The following ZNF827 variants were observed in gnomAD, a reference collection of about 807,000 sequenced individuals.
ZNF827 encodes zinc finger protein 827.
ZNF827 carries 13 observed loss-of-function variants against 102.4 expected under a neutral mutation model. That is an observed-to-expected ratio of 0.13 (90% CI 0.08 to 0.20). The LOEUF is 0.20. ZNF827 is among the 10% of genes least tolerant of loss of function. The probability of loss-of-function intolerance (pLI) is 1.00; values close to 1 mark genes in which losing one functional copy is unlikely to be tolerated. For missense variants in ZNF827, 1,103 were observed against 1,344.4 expected (o/e 0.82, Z 2.81); for synonymous variants, 523 against 536.2 (o/e 0.98, Z 0.34).
intron 1 of ZNF827, chr4:145,907,162 T>A: frequency 4.4e-6 from 2 of 456,444 alleles, no homozygotes; most frequent in Non-Finnish European, 8.8e-6. Flanking sequence ...CAAACAAATA[T>A]GTCTGTGTTC....
intron 2 of ZNF827, among the ~76,000 whole-genome samples, chr4:145,896,257 A>G (rs1037810792): frequency 3.3e-5 from 5 of 152,218 alleles, no homozygotes; most frequent in Non-Finnish European, 7.3e-5. Context: ...AACATCACAT[A>G]ATAAATACAC....
chr4:145,761,739 CCT>C lies in ZNF827; in HGVS notation c.*18-143_*18-142del. 2.2e-6 allele frequency: 1 copy of C among 459,730 alleles called. No homozygotes were observed. The highest frequency in any genetic ancestry group is 3.6e-6 in the Non-Finnish European group (1 of 275,002). The allele number at this position is 459,730 out of a possible 1,614,324, so 28.5% of individuals were successfully genotyped here. On this transcript the variant is annotated intron_variant, in intron 14 of 14. Coordinates refer to ENST00000508784, the MANE Select transcript of ZNF827 (RefSeq NM_001306215.2). The surrounding 1 kb of genome is among the most constrained non-coding windows in gnomAD (Gnocchi z 6.8). ...TGCCCAGCCCAGCCCAGCCCTGCCG[CCT>C]CTCAGGGGTGGAACGGCCCTTTTTG...
At chr4:145,818,366 A>C (rs1196028951) in intron 8 of ZNF827, among the ~76,000 whole-genome samples, 2 of 152,238 alleles carry the variant, frequency 1.3e-5, no homozygotes, top group Non-Finnish European at 2.9e-5. Flanking sequence ...TCCAGGTAGT[A>C]ATTTGTAAAT....
At chr4:145,893,961 G>A (rs548497100) in intron 2 of ZNF827, among the ~76,000 whole-genome samples, 11 of 151,998 alleles carry the variant, frequency 7.2e-5, no homozygotes, top group East Asian at 1.9e-4. Flanking sequence ...AAAAAGCAAG[G>A]TGTGAAGCTT....
chr4:145,820,915 A>G (rs1180436754), intron 8 of ZNF827, among the ~76,000 whole-genome samples: 1 of 152,232 alleles, frequency 6.6e-6, no homozygotes, highest in Non-Finnish European at 1.5e-5. Context: ...CAGAACTTTA[A>G]GATCCTCAAC....
intron 1 of ZNF827, among the ~76,000 whole-genome samples, chr4:145,932,072 GAC>G (rs1753848459): frequency 6.6e-6 from 1 of 152,148 alleles, no homozygotes; most frequent in African/African-American, 2.4e-5. Flanking sequence ...ACTATATAAA[GAC>G]ACAGCAAAAA....
chr4:145,781,069 G>A (rs1040798296), intron 8 of ZNF827, among the ~76,000 whole-genome samples: 9 of 151,666 alleles, frequency 5.9e-5, no homozygotes, highest in East Asian at 1.9e-4. Flanking sequence ...GGTGGCGGGC[G>A]CCTGAAATCC....
intron 5 of ZNF827, among the ~76,000 whole-genome samples, chr4:145,861,032 T>A (rs998249212): frequency 1.3e-5 from 2 of 152,210 alleles, no homozygotes; most frequent in African/African-American, 4.8e-5. Flanking sequence ...CCTTGCCCAG[T>A]GGGTGACCCG....
At chr4:145,872,896 A>G (rs1211261998) in intron 4 of ZNF827, among the ~76,000 whole-genome samples, 1 of 151,692 alleles carries the variant, frequency 6.6e-6, no homozygotes, top group African/African-American at 2.4e-5. Context: ...AACAAAAACA[A>G]AAACAAAACA....
chr4:145,878,605 G>GAAAGT (rs1749373947), intron 4 of ZNF827, among the ~76,000 whole-genome samples: 97 of 81,386 alleles, frequency 1.2e-3, no homozygotes, highest in African/African-American at 4.5e-3. Flanking sequence ...GACAGGACAG[G>GAAAGT]AAAGGAAAGG....
chr4:145,909,778 C>T (rs1378523672), intron 1 of ZNF827, among the ~76,000 whole-genome samples: 1 of 152,206 alleles, frequency 6.6e-6, no homozygotes, highest in Non-Finnish European at 1.5e-5. Flanking sequence ...GTTTTACTTG[C>T]CAAGTTTTAA....
chr4:145,775,844 C>T lies in ZNF827; in HGVS notation c.2638G>A (p.Val880Ile). Residue 880 changes from valine (V) to isoleucine (I), a missense_variant, in exon 10 of 15, where the codon GTC becomes ATC. Transcript: ENST00000508784. ...CTGCCTTCAGAGGTGACGGCGCTGA[C>T]AATGTCCTCGGTGTCTGTACTCACC... ...KLVSTDTEDI[V>I]SAVTSEGSDG... The T allele has an allele frequency of 6.2e-7, 1 of 1,614,198 alleles. No homozygotes were observed. The highest frequency in any genetic ancestry group is 1.1e-5 in the South Asian group (1 of 91,080).
At chr4:145,774,443 G>A in intron 11 of ZNF827, 63 bp downstream of exon 11, 1 of 1,544,274 alleles carries the variant, frequency 6.5e-7, no homozygotes. Context: ...CGGCCAGGTG[G>A]CAGGTGCTCT....
intron 1 of ZNF827, among the ~76,000 whole-genome samples, chr4:145,936,173 T>C (rs893403999): frequency 2.1e-5 from 3 of 146,046 alleles, no homozygotes; most frequent in South Asian, 2.2e-4. Context: ...CTCCTCTCCC[T>C]CCCCCCACAC....
chr4:145,910,336 T>C (rs1354753316), intron 1 of ZNF827, among the ~76,000 whole-genome samples: 1 of 152,164 alleles, frequency 6.6e-6, no homozygotes, highest in Non-Finnish European at 1.5e-5. Flanking sequence ...AGACCTTCCA[T>C]GGCCGAGGAA....
chr4:145,929,858 T>C (rs1248555391), intron 1 of ZNF827, among the ~76,000 whole-genome samples: 1 of 152,240 alleles, frequency 6.6e-6, no homozygotes, highest in Non-Finnish European at 1.5e-5. Flanking sequence ...TTATTCCTTC[T>C]AATAGCTCTG....
At chr4:145,839,464 C>G (rs114455249) in intron 7 of ZNF827, 2 of 152,254 alleles carry the variant, frequency 1.3e-5, no homozygotes, top group Admixed American at 1.3e-4. Flanking sequence ...GAGCTCAGAA[C>G]GGATGAACTT....
At chr4:145,934,484 A>T (rs1312924869) in intron 1 of ZNF827, among the ~76,000 whole-genome samples, 1 of 152,192 alleles carries the variant, frequency 6.6e-6, no homozygotes, top group East Asian at 1.9e-4. Context: ...TTCGGTTCTG[A>T]ACAGTCCCAT....
At chr4:145,880,822 A>C (rs1749596481) in intron 4 of ZNF827, among the ~76,000 whole-genome samples, 1 of 152,236 alleles carries the variant, frequency 6.6e-6, no homozygotes, top group South Asian at 2.1e-4. Context: ...TGGAGAGGGC[A>C]TGCCCAGGCG....
Sources: gnomAD v4.1 joint callset for allele counts (sites outside exome capture counted in the v4.1 genomes callset) on GRCh38, gnomAD v4.1.1 for gene constraint, Gnocchi (gnomAD v3.1) non-coding constraint, MANE v1.5 for transcripts, NCBI Gene and HGNC (gene_info 2026-07-23, HGNC 2026-07-21) for gene names.